The following DPYD variants were observed in gnomAD, a reference collection of about 807,000 sequenced individuals.
DPYD encodes dihydropyrimidine dehydrogenase, also known as dihydropyrimidine dehydrogenase [NADP(+)].
A neutral mutation model predicts 116.2 loss-of-function variants in DPYD; 109 were observed. The observed-to-expected ratio is 0.94, with a 90% CI of 0.80 to 1.10. The LOEUF is 1.10. DPYD is among the 50% of genes least tolerant of loss of function. DPYD has a pLI of 0.00. For synonymous variants in DPYD, 440 were observed against 432.0 expected (o/e 1.02, Z -0.23); for missense variants, 1,302 against 1,254.5 (o/e 1.04, Z -0.57).
In DPYD at chr1:97,078,556, C is replaced by A; in HGVS notation, c.*420G>T. 5.3e-6 allele frequency: 1 copy of A among 189,786 alleles called. No homozygotes were observed. Among genetic ancestry groups the A allele is most frequent in the Non-Finnish European group, 1.1e-5 (1 of 90,414 alleles). The allele number at this position is 189,786 out of a possible 1,614,324, so 11.8% of individuals were successfully genotyped here. ...GTAATTTTTAATGATAAAATGTTTC[C>A]TTGGATACATTTTCTTGTATGTTAA... On this transcript the variant is annotated 3_prime_UTR_variant, in exon 23 of 23. Coordinates refer to ENST00000370192, the MANE Select transcript of DPYD (RefSeq NM_000110.4).
At chr1:97,142,431 G>A (rs184707377) in intron 20 of DPYD, among the ~76,000 whole-genome samples, 6 of 152,038 alleles carry the variant, frequency 3.9e-5, no homozygotes, top group Admixed American at 6.6e-5. Context: ...AAATACATGC[G>A]AATCTCTCTT....
chr1:97,144,863 C>T (rs1427374041), intron 20 of DPYD, among the ~76,000 whole-genome samples: 1 of 152,186 alleles, frequency 6.6e-6, no homozygotes, highest in Non-Finnish European at 1.5e-5. Context: ...CTTATGCACA[C>T]AGAACTGCCA....
chr1:97,910,030 T>C (rs1038846852), intron 1 of DPYD, among the ~76,000 whole-genome samples: 1 of 152,162 alleles, frequency 6.6e-6, no homozygotes, highest in East Asian at 1.9e-4. Context: ...AGACTTCTTA[T>C]GATCTTCTAG....
chr1:97,655,126 C>T (rs72975765), intron 8 of DPYD, among the ~76,000 whole-genome samples: 23,296 of 152,000 alleles, frequency 0.15, 1,994 homozygotes, highest in African/African-American at 0.21. Context: ...TCAGCTACCA[C>T]AACAGAAATA....
At chr1:97,725,545 T>G (rs1352248789) in intron 4 of DPYD, among the ~76,000 whole-genome samples, 1 of 151,638 alleles carries the variant, frequency 6.6e-6, no homozygotes, top group African/African-American at 2.4e-5. Context: ...ATTTCAAAAA[T>G]TACTGCAAAG....
In DPYD at chr1:97,515,727, T is replaced by C; in HGVS notation, c.1739A>G (p.Lys580Arg). Residue 580 changes from lysine to arginine, a missense_variant and splice_region_variant, in exon 13 of 23, where the codon AAG (lysine) becomes AGG (arginine). Coordinates refer to ENST00000370192, the MANE Select transcript of DPYD (RefSeq NM_000110.4). Reference protein sequence around the residue: ...FALTKTFSLDKDIVTNVSPRI... With the variant: ...FALTKTFSLDRDIVTNVSPRI... ...ATGACTTCAATAATATTTTCTTACC[T>C]TATCAAGAGAGAAAGTTTTGGTGAG... is the stretch of plus-strand genomic sequence containing the variant. 3 of 1,612,142 alleles carry C rather than the reference T, an allele frequency of 1.9e-6. No individual in the cohort carries two copies. The highest frequency in any genetic ancestry group is 2.5e-6 in the Non-Finnish European group (3 of 1,178,684).
In DPYD at chr1:97,747,759, G is replaced by A. The variant is rs140807196; in HGVS notation, c.234-7280C>T. On this transcript the variant is annotated intron_variant, in intron 3 of 22. Transcript: ENST00000370192. Reference sequence around the variant, plus strand: ...CTTTAAGTGTATTAACTCAGAAAGCGTAGCATTGAGGTTAAGAGTACAAGT... The same window carrying A: ...CTTTAAGTGTATTAACTCAGAAAGCATAGCATTGAGGTTAAGAGTACAAGT... Among the ~76,000 whole-genome samples the A allele has an allele frequency of 1.5e-3, 222 of 152,262 alleles. 1 individual carries two copies. The highest frequency in any genetic ancestry group is 2.1e-3 in the Non-Finnish European group (143 of 68,016).
chr1:97,312,362 T>A (rs75454821), intron 16 of DPYD, among the ~76,000 whole-genome samples: 7,069 of 151,852 alleles, frequency 0.047, 243 homozygotes, highest in East Asian at 0.091. Flanking sequence ...TGTGGTAATA[T>A]GTATAAAAAT....
At chr1:97,606,070 A>G (rs1655576672) in intron 8 of DPYD, among the ~76,000 whole-genome samples, 1 of 152,052 alleles carries the variant, frequency 6.6e-6, no homozygotes, top group Non-Finnish European at 1.5e-5. Flanking sequence ...TTGTTGCATA[A>G]AATTATTTTA....
chr1:97,367,183 C>T (rs1032236635), intron 16 of DPYD, among the ~76,000 whole-genome samples: 2 of 151,856 alleles, frequency 1.3e-5, no homozygotes, highest in African/African-American at 2.4e-5. Flanking sequence ...TGATGACGGA[C>T]GTCTGCTTTC....
chr1:97,543,553 CT>C (rs1197111075), intron 12 of DPYD, among the ~76,000 whole-genome samples: 1 of 152,100 alleles, frequency 6.6e-6, no homozygotes, highest in Non-Finnish European at 1.5e-5. Flanking sequence ...TCAATGTTAC[CT>C]TTTCCCCCAA....
At chr1:97,723,998 A>C (rs900260249) in intron 4 of DPYD, among the ~76,000 whole-genome samples, 3 of 151,814 alleles carry the variant, frequency 2.0e-5, no homozygotes, top group African/African-American at 7.2e-5. Flanking sequence ...AGGTTGGTTT[A>C]TATCAAAATA....
chr1:97,613,817 T>C (rs1354460456), intron 8 of DPYD, among the ~76,000 whole-genome samples: 1 of 152,060 alleles, frequency 6.6e-6, no homozygotes, highest in Non-Finnish European at 1.5e-5. Flanking sequence ...GATAATGTCA[T>C]AGTGGCAGTA....
chr1:97,451,026 G>A (rs1676386444), intron 13 of DPYD, among the ~76,000 whole-genome samples: 1 of 152,046 alleles, frequency 6.6e-6, no homozygotes, highest in African/African-American at 2.4e-5. Context: ...TAATTTTGAG[G>A]AAAGGTCATT....
At chr1:97,559,194 A>G (rs756511094) in intron 11 of DPYD, among the ~76,000 whole-genome samples, 3 of 152,176 alleles carry the variant, frequency 2.0e-5, no homozygotes, top group Non-Finnish European at 2.9e-5. Context: ...TAAATGCTCA[A>G]TTATGTCATC....
At chr1:97,466,260 T>C (rs186746570) in intron 13 of DPYD, among the ~76,000 whole-genome samples, 30 of 152,352 alleles carry the variant, frequency 2.0e-4, no homozygotes, top group Non-Finnish European at 4.0e-4. Context: ...CTGCAGAAGG[T>C]TCTACAATCA....
At chr1:97,702,453 T>A (rs936057769) in intron 5 of DPYD, among the ~76,000 whole-genome samples, 2 of 151,854 alleles carry the variant, frequency 1.3e-5, no homozygotes, top group African/African-American at 4.8e-5. Flanking sequence ...GAACTAATAA[T>A]TAAATATTTA....
intron 8 of DPYD, among the ~76,000 whole-genome samples, chr1:97,628,415 G>A (rs1054083019): frequency 6.6e-6 from 1 of 151,920 alleles, no homozygotes; most frequent in Non-Finnish European, 1.5e-5. Context: ...AATATTCTCA[G>A]ACATTAACAG....
intron 3 of DPYD, among the ~76,000 whole-genome samples, chr1:97,821,820 A>G (rs1263652142): frequency 2.0e-5 from 3 of 152,100 alleles, no homozygotes; most frequent in African/African-American, 7.2e-5. Context: ...TACAAACATT[A>G]TATTTTATAT....
Sources: allele counts gnomAD v4.1 joint callset (sites outside exome capture counted in the v4.1 genomes callset), GRCh38; gene constraint gnomAD v4.1.1; transcripts MANE v1.5; gene names NCBI Gene and HGNC (gene_info 2026-07-23, HGNC 2026-07-21).